ZNF334: variants seen among roughly 807,000 people sequenced by gnomAD.
The protein encoded by ZNF334 is zinc finger protein 334.
Under a neutral mutation model 12.4 loss-of-function variants are expected in ZNF334, and 14 were observed. The observed-to-expected ratio is 1.13, with a 90% CI of 0.74 to 1.76. The LOEUF is 1.76. ZNF334 is among the 40% of genes most tolerant of loss of function. ZNF334 has a pLI of 0.00. For synonymous variants in ZNF334, 273 were observed against 269.6 expected (o/e 1.01, Z -0.12); for missense variants, 797 against 804.5 (o/e 0.99, Z 0.11).
chr20:46,511,037 T>C (rs1178812074), intron 2 of ZNF334, among the ~76,000 whole-genome samples: 1 of 151,256 alleles, frequency 6.6e-6, no homozygotes, highest in African/African-American at 2.4e-5. Flanking sequence ...GAAAGAATAA[T>C]GGGCTAACAA....
the ZNF334 span, among the ~76,000 whole-genome samples, chr20:46,465,613 T>TG: frequency 1.3e-5 from 2 of 152,162 alleles, no homozygotes; most frequent in Admixed American, 1.3e-4. Flanking sequence ...TAGTCCCAGC[T>TG]ACTTGGGAAG....
rs1350001150 is a variant in ZNF334, at chr20:46,500,043, TTAGCTGAATGACA to T, written c.*1240_*1252del. ...TGTGACCATTCAGCTAATGGGCCAA[TTAGCTGAATGACA>T]GAATTAGACCAATTTACCAATCACA... On this transcript the variant is annotated 3_prime_UTR_variant, in exon 5 of 5. Coordinates refer to ENST00000692313, the MANE Select transcript of ZNF334 (RefSeq NM_001353824.2). 6.6e-6 allele frequency: 1 copy of T among 152,184 alleles called. No individual in the cohort carries two copies. The highest frequency in any genetic ancestry group is 6.5e-5 in the Admixed American group (1 of 15,276). 9.4% of individuals were successfully genotyped at this position (152,184 alleles called of 1,614,324 possible).
the ZNF334 span, among the ~76,000 whole-genome samples, chr20:46,488,206 T>C: frequency 1.3e-5 from 2 of 151,954 alleles, no homozygotes; most frequent in Admixed American, 1.3e-4. Context: ...TTCTCCTTTA[T>C]TCTGCTTTAT....
At chr20:46,497,342 A>C (rs79282171), downstream of ZNF334, among the ~76,000 whole-genome samples, 479 of 152,370 alleles carry the variant, frequency 3.1e-3, no homozygotes, top group African/African-American at 0.011. Context: ...TAGGATATGC[A>C]AAGAAAGTTA....
rs2061265736 is a variant in ZNF334, at chr20:46,502,624, A to G, written c.715T>C (p.Cys239Arg). ...GAAAAGGTTTTCCTACATTCATTACATTCATTTGGTTTCCTTTCAGTCTGT... is the reference window on the plus strand; with the variant it reads ...GAAAAGGTTTTCCTACATTCATTACGTTCATTTGGTTTCCTTTCAGTCTGT... ...GRQTERKPNE[C>R]NECRKTFSKR... The change falls in exon 5 of 5, where the codon TGT (cysteine) becomes CGT (arginine). Residue 239 changes from cysteine to arginine, a missense_variant. Coordinates refer to ENST00000692313, the MANE Select transcript of ZNF334 (RefSeq NM_001353824.2). 6.2e-7 allele frequency: 1 copy of G among 1,613,128 alleles called. No homozygotes were observed. The highest frequency in any genetic ancestry group is 1.1e-5 in the South Asian group (1 of 91,086).
At chr20:46,491,283 C>A in the ZNF334 span, 2 of 152,736 alleles carry the variant, frequency 1.3e-5, no homozygotes, top group Admixed American at 6.5e-5. Context: ...GTAAACCTGA[C>A]TCGGCATCAA....
downstream of ZNF334, among the ~76,000 whole-genome samples, chr20:46,497,964 C>CT (rs3092820): frequency 1.2e-4 from 19 of 152,028 alleles, no homozygotes; most frequent in Non-Finnish European, 2.9e-5. Context: ...AAGATTTCCC[C>CT]GTCTATGGAA....
downstream of ZNF334, among the ~76,000 whole-genome samples, chr20:46,494,905 G>C (rs1362585943): frequency 1.3e-5 from 2 of 152,052 alleles, no homozygotes; most frequent in Non-Finnish European, 1.5e-5. Context: ...ATATTTCCTA[G>C]GCGCTGTCAC....
intron 1 of ZNF334, among the ~76,000 whole-genome samples, 170 bp downstream of exon 1, chr20:46,512,370 G>C (rs1195533979): frequency 3.3e-5 from 5 of 152,194 alleles, no homozygotes; most frequent in African/African-American, 7.2e-5. Flanking sequence ...CTGAATTACT[G>C]TCAATCTATG....
Position 46,502,938 on chromosome 20 carries a change from T to G in ZNF334, c.401A>C (p.Tyr134Ser). The part of the protein sequence containing the change: ...MNSVPSRKMP[Y>S]KCNPGGNSLK... ...ACTGTTTCCTCCTGGATTACATTTA[T>G]AGGGCATTTTTCTTGAGGGAACACT... is the stretch of plus-strand genomic sequence containing the variant. Residue 134 changes from tyrosine (Y) to serine (S), a missense_variant, in exon 5 of 5, where the codon TAT becomes TCT. By Grantham distance (144) the Tyr-to-Ser change is moderately radical. Coordinates refer to ENST00000692313, the MANE Select transcript of ZNF334 (RefSeq NM_001353824.2). 6.2e-7 allele frequency: 1 copy of G among 1,614,056 alleles called. No homozygotes were observed. The highest frequency in any genetic ancestry group is 1.7e-5 in the Admixed American group (1 of 60,026).
rs369201128 is a variant in ZNF334 at position 46,504,606 on chromosome 20, G to C, written c.148+8C>G. On this transcript the variant is annotated splice_region_variant and intron_variant, in intron 3 of 4. Coordinates refer to ENST00000692313, the MANE Select transcript of ZNF334 (RefSeq NM_001353824.2). ...CTCTTGGGAGTTGTACAGGGAAATA[G>C]TCCTTACCCACAGAGACCAAGTTGC... is the stretch of plus-strand genomic sequence containing the variant. 1.3e-6 allele frequency: 2 copies of C among 1,590,274 alleles called. No individual in the cohort carries two copies. Among genetic ancestry groups the C allele is most frequent in the Non-Finnish European group, 1.7e-6 (2 of 1,172,282 alleles).
chr20:46,502,025 A>G lies in ZNF334; in HGVS notation c.1314T>C (p.Cys438=). 2.5e-6 allele frequency: 4 copies of G among 1,614,082 alleles called. No homozygotes were observed. The highest frequency in any genetic ancestry group is 3.4e-6 in the Non-Finnish European group (4 of 1,180,010). ...CTGATTTCGTACATAAAAATTTTCC[A>G]CATTGACTGCATTCATAGGGCTTCT... ...TGEKPYECSQ[C]GKFLCTKSAL... Residue 438 remains cysteine (C), a synonymous_variant, in exon 5 of 5, where the codon TGT becomes TGC. Transcript: ENST00000692313.
the ZNF334 span, among the ~76,000 whole-genome samples, chr20:46,487,854 C>T: frequency 5.9e-5 from 9 of 152,172 alleles, no homozygotes; most frequent in Non-Finnish European, 1.2e-4. Flanking sequence ...GCTTGATAAT[C>T]TCCACCTTTT....
chr20:46,470,943 A>G, the ZNF334 span, among the ~76,000 whole-genome samples: 4 of 152,238 alleles, frequency 2.6e-5, no homozygotes, highest in African/African-American at 9.6e-5. Flanking sequence ...TGGTGAACAA[A>G]AGCATGAATT....
At chr20:46,479,519 C>G in the ZNF334 span, among the ~76,000 whole-genome samples, 1 of 152,216 alleles carries the variant, frequency 6.6e-6, no homozygotes, top group Admixed American at 6.5e-5. Context: ...AAAACAGACT[C>G]TGTGGCAATA....
At chr20:46,498,867 A>G (rs1419568815), downstream of ZNF334, among the ~76,000 whole-genome samples, 4 of 152,188 alleles carry the variant, frequency 2.6e-5, no homozygotes, top group Middle Eastern at 3.2e-3. Context: ...GGACACAAAC[A>G]TGCACACTTA....
chr20:46,488,738 T>C, the ZNF334 span, among the ~76,000 whole-genome samples: 4 of 151,594 alleles, frequency 2.6e-5, no homozygotes, highest in Non-Finnish European at 5.9e-5. Flanking sequence ...TCTGTATTTC[T>C]GGAAAGGTCT....
At chr20:46,492,708 G>C in the ZNF334 span, 1 of 152,202 alleles carries the variant, frequency 6.6e-6, no homozygotes, top group Non-Finnish European at 1.5e-5. Flanking sequence ...GATCAATGTA[G>C]AAAGAATCTT....
chr20:46,487,720 T>G, the ZNF334 span, among the ~76,000 whole-genome samples: 1 of 152,062 alleles, frequency 6.6e-6, no homozygotes, highest in Non-Finnish European at 1.5e-5. Context: ...AACATAGCTA[T>G]TCTAGCTTTC....
Sources: gnomAD v4.1 joint callset for allele counts (sites outside exome capture counted in the v4.1 genomes callset) on GRCh38, gnomAD v4.1.1 for gene constraint, MANE v1.5 for transcripts, NCBI Gene and HGNC (gene_info 2026-07-23, HGNC 2026-07-21) for gene names.